The following SNX29 variants were observed in gnomAD, a reference collection of about 807,000 sequenced individuals.
SNX29 encodes sorting nexin-29.
Under a neutral mutation model 102.1 loss-of-function variants are expected in SNX29, and 78 were observed. That is an observed-to-expected ratio of 0.76 (90% CI 0.64 to 0.92). The LOEUF is 0.92. Among genes scored for constraint, SNX29 ranks in the 40% least tolerant of loss-of-function variants. The probability of loss-of-function intolerance (pLI) is 0.00; values close to 1 mark genes in which losing one functional copy is unlikely to be tolerated. For synonymous variants in SNX29, 580 were observed against 414.5 expected, an observed-to-expected ratio of 1.40 and a Z score of -4.85; for missense variants, 1,280 against 1,061.7, an observed-to-expected ratio of 1.21 and a Z score of -2.86.
intron 16 of SNX29, among the ~76,000 whole-genome samples, chr16:12,361,126 A>G (rs2082288043): frequency 6.6e-6 from 1 of 152,208 alleles, no homozygotes; most frequent in Admixed American, 6.5e-5. Flanking sequence ...CTGAGAAAGG[A>G]CAATGGGATG....
chr16:12,010,748 G>A (rs1003297284), intron 3 of SNX29, among the ~76,000 whole-genome samples: 1 of 130,346 alleles, frequency 7.7e-6, no homozygotes, highest in Non-Finnish European at 1.7e-5. Flanking sequence ...ATTTGTTTTG[G>A]TGATTTTTTT....
At chr16:12,131,731 G>A (rs1282777283) in intron 13 of SNX29, among the ~76,000 whole-genome samples, 1 of 152,204 alleles carries the variant, frequency 6.6e-6, no homozygotes, top group Non-Finnish European at 1.5e-5. Flanking sequence ...GGAGCCCAGA[G>A]TTAAGTCAGT....
chr16:12,485,311 G>A (rs1183968089), intron 19 of SNX29, among the ~76,000 whole-genome samples: 3 of 152,148 alleles, frequency 2.0e-5, no homozygotes. Flanking sequence ...TTTTGATGAT[G>A]TTACTAAAGT....
chr16:12,413,527 G>A (rs2084492475), intron 18 of SNX29, among the ~76,000 whole-genome samples: 1 of 152,092 alleles, frequency 6.6e-6, no homozygotes, highest in Non-Finnish European at 1.5e-5. Flanking sequence ...ATACTGTGGA[G>A]AAGGAAGCTG....
intron 18 of SNX29, among the ~76,000 whole-genome samples, chr16:12,415,995 T>C (rs1312071225): frequency 6.6e-6 from 1 of 152,082 alleles, no homozygotes. Context: ...CTTCTGAATG[T>C]GGCCAGGGCC....
intron 13 of SNX29, among the ~76,000 whole-genome samples, chr16:12,181,898 T>C (rs891285430): frequency 6.6e-6 from 1 of 150,670 alleles, no homozygotes; most frequent in Non-Finnish European, 1.5e-5. Context: ...TTTTTTTTTT[T>C]CTGGAGACGG....
At chr16:12,312,180 T>TC (rs1410983542) in intron 15 of SNX29, among the ~76,000 whole-genome samples, 1 of 152,220 alleles carries the variant, frequency 6.6e-6, no homozygotes, top group Non-Finnish European at 1.5e-5. Flanking sequence ...AAAAGGATAT[T>TC]GGGGGCTATT....
chr16:12,187,958 C>A (rs2076551767), intron 13 of SNX29, among the ~76,000 whole-genome samples: 1 of 152,046 alleles, frequency 6.6e-6, no homozygotes, highest in Admixed American at 6.6e-5. Context: ...TCCACCATGC[C>A]CTAGGAGTTA....
chr16:12,232,769 C>T (rs1254026310), intron 14 of SNX29, among the ~76,000 whole-genome samples: 8 of 152,122 alleles, frequency 5.3e-5, no homozygotes, highest in Non-Finnish European at 1.0e-4. Flanking sequence ...CAGAAGATGT[C>T]CCCTGAGAGG....
intron 14 of SNX29, among the ~76,000 whole-genome samples, chr16:12,230,104 C>T (rs150306710): frequency 2.6e-5 from 4 of 152,294 alleles, no homozygotes; most frequent in African/African-American, 4.8e-5. Context: ...CGGATTTAGC[C>T]TCAGGGCCAT....
At position 12,285,896 on chromosome 16, in the gene SNX29, C is replaced by T. The variant is rs531786404; in HGVS notation, c.1782+7860C>T. 1.8e-3 allele frequency among the ~76,000 whole-genome samples: 268 copies of T among 152,290 alleles called. 2 individuals are homozygous for T. The highest frequency in any genetic ancestry group is 6.2e-3 in the African/African-American group (258 of 41,552). On this transcript the variant is annotated intron_variant, in intron 15 of 20. Transcript: ENST00000566228. ...TTTCTGATGGAGTTTCACTCTGTTG[C>T]CCAGGCTGGAGTGCAGTGGTACGAT... is the stretch of plus-strand genomic sequence containing the variant.
chr16:12,104,038 G>C (rs993775796), intron 11 of SNX29, among the ~76,000 whole-genome samples: 2 of 152,150 alleles, frequency 1.3e-5, no homozygotes, highest in African/African-American at 4.8e-5. Context: ...CAGTTTCCTG[G>C]AATTGGAAGC....
chr16:12,310,841 A>G (rs536551486), intron 15 of SNX29, among the ~76,000 whole-genome samples: 2 of 152,352 alleles, frequency 1.3e-5, no homozygotes, highest in African/African-American at 2.4e-5. Flanking sequence ...TGCCCAGGGC[A>G]TCCTGGCACA....
At chr16:12,020,740 C>T (rs1156887104) in intron 3 of SNX29, among the ~76,000 whole-genome samples, 1 of 151,854 alleles carries the variant, frequency 6.6e-6, no homozygotes, top group Non-Finnish European at 1.5e-5. Context: ...TCTCCTGTCT[C>T]AGCCACCTGA....
intron 16 of SNX29, among the ~76,000 whole-genome samples, chr16:12,360,791 A>G (rs2082279147): frequency 6.6e-6 from 1 of 152,186 alleles, no homozygotes; most frequent in Non-Finnish European, 1.5e-5. Context: ...GAGGAAGCAT[A>G]TTTAGGAAGG....
At chr16:12,545,293 T>A (rs964836132) in intron 20 of SNX29, among the ~76,000 whole-genome samples, 1 of 152,152 alleles carries the variant, frequency 6.6e-6, no homozygotes, top group Non-Finnish European at 1.5e-5. Context: ...CACTTCGCCC[T>A]CTTTACATCT....
At chr16:12,422,084 T>C (rs1007540970) in intron 18 of SNX29, among the ~76,000 whole-genome samples, 4 of 152,222 alleles carry the variant, frequency 2.6e-5, no homozygotes, top group African/African-American at 7.2e-5. Context: ...TCATCAACAG[T>C]ATTTCATCTT....
chr16:12,391,653 C>G (rs937023522), intron 16 of SNX29, among the ~76,000 whole-genome samples: 1 of 152,148 alleles, frequency 6.6e-6, no homozygotes, highest in Non-Finnish European at 1.5e-5. Flanking sequence ...ATTCATCTGT[C>G]CATCATTTTA....
chr16:12,117,042 CGTGTTCAAT>C (rs2053743681), intron 11 of SNX29, among the ~76,000 whole-genome samples: 7 of 146,656 alleles, frequency 4.8e-5, no homozygotes, highest in Non-Finnish European at 9.0e-5. Flanking sequence ...TGGAAACAGG[CGTGTTCAAT>C]ACGTGCTTCA....
Sources: allele counts gnomAD v4.1 joint callset (sites outside exome capture counted in the v4.1 genomes callset), GRCh38; gene constraint gnomAD v4.1.1; transcripts MANE v1.5; gene names NCBI Gene and HGNC (gene_info 2026-07-23, HGNC 2026-07-21).